The following UBE2N variants were observed in gnomAD, a reference collection of about 807,000 sequenced individuals.
The protein encoded by UBE2N is ubiquitin-conjugating enzyme E2 N.
For synonymous variants in UBE2N, 70 were observed against 69.2 expected, an observed-to-expected ratio of 1.01 and a Z score of -0.06; for missense variants, 60 against 192.1, an observed-to-expected ratio of 0.31 and a Z score of 4.07.
chr12:93,439,404 A>G (rs1396377865), intron 1 of UBE2N, among the ~76,000 whole-genome samples: 2 of 152,216 alleles, frequency 1.3e-5, no homozygotes, highest in Non-Finnish European at 2.9e-5. Flanking sequence ...ATCTAAGACC[A>G]GGAGATCAAG....
intron 1 of UBE2N, among the ~76,000 whole-genome samples, chr12:93,422,192 A>G (rs1400710042): frequency 1.3e-5 from 2 of 152,180 alleles, no homozygotes; most frequent in Non-Finnish European, 2.9e-5. Context: ...CTTGGTGGTA[A>G]AAATGTCCTT....
rs187134662 is a variant in UBE2N, at chr12:93,411,738, G to A, written c.31-439C>T. Among the ~76,000 whole-genome samples the A allele has an allele frequency of 5.2e-3, 787 of 152,084 alleles. 4 individuals are homozygous for A. The highest frequency in any genetic ancestry group is 7.1e-3 in the Non-Finnish European group (481 of 68,008). On this transcript the variant is annotated intron_variant, in intron 1 of 3. Coordinates refer to ENST00000318066, the MANE Select transcript of UBE2N (RefSeq NM_003348.4). Reference sequence around the variant, plus strand: ...GACAAGATCTCACTTTGTCACTCACGCTGGAGTGCAGTGGCAAGATCTTGG... The same window carrying A: ...GACAAGATCTCACTTTGTCACTCACACTGGAGTGCAGTGGCAAGATCTTGG...
chr12:93,433,381 A>T (rs1878827100), intron 1 of UBE2N, among the ~76,000 whole-genome samples: 2 of 152,140 alleles, frequency 1.3e-5, no homozygotes, highest in South Asian at 4.1e-4. Flanking sequence ...GCCACAAAAG[A>T]CCCTAGGGCC....
chr12:93,408,842 A>T lies in UBE2N; in HGVS notation c.*1197T>A, dbSNP rs1877944169. 1 of 152,598 alleles carries T rather than the reference A, an allele frequency of 6.6e-6. No homozygotes were observed. Among genetic ancestry groups the T allele is most frequent in the African/African-American group, 2.4e-5 (1 of 41,458 alleles). 9.5% of individuals were successfully genotyped at this position (152,598 alleles called of 1,614,324 possible). On this transcript the variant is annotated 3_prime_UTR_variant, in exon 4 of 4. Coordinates refer to ENST00000318066, the MANE Select transcript of UBE2N (RefSeq NM_003348.4). ...ATCAGGTTTATAAGGAAGACTCACA[A>T]ATGCCTCAGCAAATCCCAAATGATC... is the stretch of plus-strand genomic sequence containing the variant.
intron 1 of UBE2N, among the ~76,000 whole-genome samples, chr12:93,416,832 A>T (rs1462981160): frequency 2.0e-5 from 3 of 149,302 alleles, no homozygotes; most frequent in Non-Finnish European, 3.0e-5. Flanking sequence ...CAAGCTGGGC[A>T]AGCATAGTGA....
At chr12:93,429,193 C>T (rs1878679826) in intron 1 of UBE2N, 1 of 326,416 alleles carries the variant, frequency 3.1e-6, no homozygotes, top group South Asian at 2.5e-5. Flanking sequence ...CTGCTTGAAC[C>T]CAGGAGGCGG....
intron 1 of UBE2N, among the ~76,000 whole-genome samples, chr12:93,433,918 G>A (rs1278574746): frequency 6.6e-6 from 1 of 152,190 alleles, no homozygotes; most frequent in Non-Finnish European, 1.5e-5. Flanking sequence ...AAGAAGAACC[G>A]AATTGTACAT....
intron 1 of UBE2N, among the ~76,000 whole-genome samples, chr12:93,432,616 C>G (rs1878805212): frequency 1.3e-5 from 2 of 152,064 alleles, no homozygotes; most frequent in Admixed American, 1.3e-4. Flanking sequence ...CTAGTGTTTC[C>G]TTAACTACAA....
At chr12:93,414,224 T>A (rs940022596) in intron 1 of UBE2N, among the ~76,000 whole-genome samples, 1 of 151,026 alleles carries the variant, frequency 6.6e-6, no homozygotes, top group African/African-American at 2.4e-5. Flanking sequence ...CCGAGGCGGG[T>A]GGATCGGCTC....
intron 1 of UBE2N, among the ~76,000 whole-genome samples, chr12:93,426,390 C>CAA (rs57644203): frequency 0.081 from 8,153 of 101,058 alleles, 935 homozygotes; most frequent in African/African-American, 0.28. Context: ...AAACTGCATC[C>CAA]AAAAAAAAAA....
chr12:93,441,825 G>C, intron 1 of UBE2N, 30 bp downstream of exon 1: 1 of 1,580,194 alleles, frequency 6.3e-7, no homozygotes. Context: ...AGAGCAGAGC[G>C]AAGAGCTGGA....
At chr12:93,435,746 C>T (rs1878916329) in intron 1 of UBE2N, among the ~76,000 whole-genome samples, 1 of 152,080 alleles carries the variant, frequency 6.6e-6, no homozygotes, top group Non-Finnish European at 1.5e-5. Context: ...GTGTGTACTT[C>T]AAAAAATCCT....
At chr12:93,424,736 T>C (rs1366587474) in intron 1 of UBE2N, among the ~76,000 whole-genome samples, 3 of 152,226 alleles carry the variant, frequency 2.0e-5, no homozygotes, top group African/African-American at 7.2e-5. Context: ...AATTTAGCAG[T>C]TGCAAAGATC....
chr12:93,410,390 C>T (rs1177261613), intron 3 of UBE2N: 24 of 488,164 alleles, frequency 4.9e-5, no homozygotes, highest in Non-Finnish European at 7.9e-5. Context: ...CTCCAAATTC[C>T]GTAGCCATAA....
chr12:93,413,960 G>A (rs1452021270), intron 1 of UBE2N, among the ~76,000 whole-genome samples: 4 of 151,980 alleles, frequency 2.6e-5, no homozygotes, highest in Non-Finnish European at 5.9e-5. Context: ...TCAGGAGTTC[G>A]AGACCAGCCT....
At chr12:93,412,950 T>C (rs1486265378) in intron 1 of UBE2N, among the ~76,000 whole-genome samples, 1 of 152,244 alleles carries the variant, frequency 6.6e-6, no homozygotes, top group Non-Finnish European at 1.5e-5. Context: ...GCACAGGTCT[T>C]CGAATAAATT....
intron 1 of UBE2N, among the ~76,000 whole-genome samples, chr12:93,413,307 T>C (rs1469455256): frequency 6.6e-6 from 1 of 152,188 alleles, no homozygotes; most frequent in Non-Finnish European, 1.5e-5. Context: ...TGTTGGTTTC[T>C]TCTATCTCCC....
intron 1 of UBE2N, among the ~76,000 whole-genome samples, chr12:93,420,863 C>A (rs536331201): frequency 2.6e-5 from 4 of 152,192 alleles, no homozygotes; most frequent in African/African-American, 7.2e-5. Flanking sequence ...GCCCACTAAA[C>A]ACATCAGGTT....
chr12:93,424,137 C>T (rs1878503340), intron 1 of UBE2N: 1 of 152,346 alleles, frequency 6.6e-6, no homozygotes, highest in Non-Finnish European at 1.5e-5. Flanking sequence ...TGTGTCACTG[C>T]AGCCACTTTC....
Sources: allele counts gnomAD v4.1 joint callset (sites outside exome capture counted in the v4.1 genomes callset), GRCh38; gene constraint gnomAD v4.1.1; transcripts MANE v1.5; gene names NCBI Gene and HGNC (gene_info 2026-07-23, HGNC 2026-07-21).